ATRNL1: variants seen among roughly 807,000 people sequenced by gnomAD.
ATRNL1 encodes the protein attractin like 1.
Under a neutral mutation model 182.7 loss-of-function variants are expected in ATRNL1, and 95 were observed. The observed-to-expected ratio is 0.52, with a 90% CI of 0.44 to 0.62. The LOEUF (loss-of-function observed/expected upper bound fraction) is 0.62. Ranked by LOEUF, ATRNL1 falls within the 20% of genes least tolerant of loss-of-function variation. ATRNL1 has a pLI of 0.00. For synonymous variants in ATRNL1, 576 were observed against 568.3 expected (o/e 1.01, Z -0.19); for missense variants, 1,471 against 1,679.5 (o/e 0.88, Z 2.17).
chr10:115,117,189 T>C (rs1844525349), intron 1 of ATRNL1, among the ~76,000 whole-genome samples: 1 of 152,114 alleles, frequency 6.6e-6, no homozygotes, highest in Admixed American at 6.6e-5. Flanking sequence ...GCATGTATCC[T>C]TTGTGTTACA....
chr10:115,794,099 A>G (rs1229173064), intron 27 of ATRNL1, among the ~76,000 whole-genome samples: 5 of 152,192 alleles, frequency 3.3e-5, no homozygotes, highest in African/African-American at 1.2e-4. Flanking sequence ...ACAATCCTAA[A>G]GAAGTCGGAC....
At chr10:115,518,883 A>G (rs1253618408) in intron 24 of ATRNL1, among the ~76,000 whole-genome samples, 3 of 151,772 alleles carry the variant, frequency 2.0e-5, no homozygotes, top group South Asian at 2.1e-4. Context: ...ATTTGTATAT[A>G]TATATGAAGC....
At chr10:115,767,190 C>T (rs1484677908) in intron 27 of ATRNL1, among the ~76,000 whole-genome samples, 2 of 152,136 alleles carry the variant, frequency 1.3e-5, no homozygotes, top group African/African-American at 2.4e-5. Context: ...CATTGTGTAG[C>T]CTTACCATAT....
In ATRNL1 at chr10:115,622,349, A is replaced by G. The variant is rs146411911; in HGVS notation, c.3795+72813A>G. Among the ~76,000 whole-genome samples, 41 of 152,294 alleles carry G rather than the reference A, an allele frequency of 2.7e-4. No individual in the cohort carries two copies. The East Asian group carries it at 6.6e-3, about 24-fold the overall frequency. ...GAGTCCATACCAGTTCATTATGGAG[A>G]CAGTGTTAATCAAGTGTTCTTATGC... On this transcript the variant is annotated intron_variant, in intron 26 of 28. Coordinates refer to ENST00000355044, the MANE Select transcript of ATRNL1 (RefSeq NM_207303.4).
chr10:115,621,172 A>T (rs1555022631), intron 26 of ATRNL1, among the ~76,000 whole-genome samples: 1 of 151,218 alleles, frequency 6.6e-6, no homozygotes, highest in African/African-American at 2.4e-5. Flanking sequence ...AAAACAATAC[A>T]TAGAGAACTT....
intron 27 of ATRNL1, among the ~76,000 whole-genome samples, chr10:115,785,194 A>C (rs1555080124): frequency 6.6e-6 from 1 of 152,244 alleles, no homozygotes; most frequent in Admixed American, 6.5e-5. Context: ...ATGATGACAG[A>C]GGCATAGGTT....
intron 26 of ATRNL1, among the ~76,000 whole-genome samples, chr10:115,674,841 A>C (rs1435617310): frequency 6.6e-6 from 1 of 152,116 alleles, no homozygotes; most frequent in East Asian, 1.9e-4. Flanking sequence ...GCAACTTTGC[A>C]TAAAATGACA....
intron 19 of ATRNL1, among the ~76,000 whole-genome samples, chr10:115,338,993 A>G (rs920512185): frequency 3.9e-5 from 6 of 152,036 alleles, no homozygotes; most frequent in East Asian, 1.9e-4. Flanking sequence ...TTTCCCCAGT[A>G]TATGTTCTGG....
At chr10:115,550,011 A>G (rs1852876606) in intron 26 of ATRNL1, among the ~76,000 whole-genome samples, 1 of 151,878 alleles carries the variant, frequency 6.6e-6, no homozygotes, top group South Asian at 2.1e-4. Context: ...TAATAATCCA[A>G]CTCTGTTTAA....
intron 28 of ATRNL1, among the ~76,000 whole-genome samples, chr10:115,872,573 A>G (rs1271560939): frequency 1.3e-5 from 2 of 152,236 alleles, no homozygotes; most frequent in African/African-American, 4.8e-5. Context: ...AAAGGATCCA[A>G]TCTTGCTAGG....
At position 115,577,314 on chromosome 10, in the gene ATRNL1, G is replaced by A. The variant is rs564719702; in HGVS notation, c.3795+27778G>A. Reference sequence around the variant, plus strand: ...TATGTTGAATCTGCAGAGCTCTTTGGGTAGTATGGATAGTTTGACAGTATT... The same window carrying A: ...TATGTTGAATCTGCAGAGCTCTTTGAGTAGTATGGATAGTTTGACAGTATT... On this transcript the variant is annotated intron_variant, in intron 26 of 28. Coordinates refer to ENST00000355044, the MANE Select transcript of ATRNL1 (RefSeq NM_207303.4). Among the ~76,000 whole-genome samples the A allele has an allele frequency of 7.3e-5, 11 of 151,684 alleles. No individual in the cohort carries two copies. In the South Asian group the frequency reaches 1.5e-3, roughly 20 times the overall value.
intron 16 of ATRNL1, 58 bp downstream of exon 16, chr10:115,300,305 A>T: frequency 1.4e-6 from 2 of 1,403,188 alleles, no homozygotes; most frequent in Non-Finnish European, 2.0e-6. Context: ...CCATCTTCTC[A>T]TTCCTTCCTT....
intron 13 of ATRNL1, among the ~76,000 whole-genome samples, chr10:115,273,416 C>T (rs1851960808): frequency 6.6e-6 from 1 of 151,972 alleles, no homozygotes; most frequent in Non-Finnish European, 1.5e-5. Flanking sequence ...GTCCGCATCC[C>T]TTTTCCACAA....
intron 24 of ATRNL1, among the ~76,000 whole-genome samples, chr10:115,493,856 AAT>A (rs1430394197): frequency 1.1e-4 from 16 of 152,166 alleles, no homozygotes; most frequent in Admixed American, 8.5e-4. Flanking sequence ...GCAATTCTTT[AAT>A]AATTAGTGAT....
chr10:115,644,998 T>C (rs1487373203), intron 26 of ATRNL1, among the ~76,000 whole-genome samples: 1 of 152,282 alleles, frequency 6.6e-6, no homozygotes, highest in East Asian at 1.9e-4. Flanking sequence ...GTATATCACT[T>C]CTGACATTCA....
rs146467461 is a variant in ATRNL1, at chr10:115,172,348, A to T, written c.1348+1056A>T. ...ATCACCTATTACTTCACCTTCCTGC[A>T]CTCATCCTTTGCTCTCAGATGGCTG... On this transcript the variant is annotated intron_variant, in intron 8 of 28. Transcript: ENST00000355044. Among the ~76,000 whole-genome samples, 182 of 151,606 alleles carry T rather than the reference A, an allele frequency of 1.2e-3. 4 individuals carry two copies. Among genetic ancestry groups the T allele is most frequent in the Non-Finnish European group, 4.7e-4 (32 of 67,710 alleles).
chr10:115,230,903 GAGAGAGAGAGAGAGAGAGA>G (rs1849906397), intron 9 of ATRNL1, among the ~76,000 whole-genome samples: 1 of 112,628 alleles, frequency 8.9e-6, no homozygotes, highest in Non-Finnish European at 2.2e-5. Context: ...GAGAGAGAGA[GAGAGAGAGAGAGAGAGAGA>G]AAGAGAGAAA....
intron 27 of ATRNL1, among the ~76,000 whole-genome samples, chr10:115,847,420 T>C (rs139196668): frequency 1.4e-3 from 212 of 152,262 alleles, no homozygotes; most frequent in Middle Eastern, 6.8e-3. Flanking sequence ...GTTACTTCGA[T>C]TGACTGTAGT....
intron 24 of ATRNL1, among the ~76,000 whole-genome samples, chr10:115,486,696 G>A (rs1337056524): frequency 2.6e-5 from 4 of 152,034 alleles, no homozygotes; most frequent in Admixed American, 6.6e-5. Context: ...TAGGTTGCCT[G>A]TTCACTCTGA....
Sources: allele counts gnomAD v4.1 joint callset (sites outside exome capture counted in the v4.1 genomes callset), GRCh38; gene constraint gnomAD v4.1.1; transcripts MANE v1.5; gene names NCBI Gene and HGNC (gene_info 2026-07-23, HGNC 2026-07-21).